Variants in TASOR2 observed in about 807,000 individuals in gnomAD.
The protein encoded by TASOR2 is transcription activation suppressor family member 2.
TASOR2 carries 84 observed loss-of-function variants against 199.5 expected under a neutral mutation model. That is an observed-to-expected ratio of 0.42 (90% CI 0.35 to 0.50). TASOR2 has a LOEUF of 0.50. Ranked by LOEUF, TASOR2 falls within the 20% of genes least tolerant of loss-of-function variation. TASOR2 has a pLI of 0.02. For synonymous variants in TASOR2, 1,103 were observed against 1,046.6 expected, an observed-to-expected ratio of 1.05 and a Z score of -1.04; for missense variants, 2,796 against 2,835.9, an observed-to-expected ratio of 0.99 and a Z score of 0.32.
At chr10:5,715,811 T>C (rs768270568) in intron 2 of TASOR2, among the ~76,000 whole-genome samples, 1 of 152,124 alleles carries the variant, frequency 6.6e-6, no homozygotes, top group Non-Finnish European at 1.5e-5. Flanking sequence ...CATAACTAAT[T>C]TTTGTATTTT....
rs79873840 is a variant in TASOR2 at position 5,755,205 on chromosome 10, A to G, written c.6607-1408A>G. ...AGATATTTCAGTAAGCTCTTCGTTA[A>G]ATCTCATAAGAATTTTTTTGAAAAT... On this transcript the variant is annotated intron_variant, in intron 15 of 20. Coordinates refer to ENST00000328090, the Ensembl canonical transcript of TASOR2. Among the ~76,000 whole-genome samples the G allele has an allele frequency of 3.9e-5, 6 of 152,350 alleles. No individual in the cohort carries two copies. The East Asian group carries it at 9.6e-4, about 24-fold the overall frequency.
Position 5,687,641 on chromosome 10 carries a change from G to T in TASOR2, c.-288+2466G>T, listed in dbSNP as rs890684331. Among the ~76,000 whole-genome samples the T allele has an allele frequency of 6.6e-6, 1 of 152,188 alleles. No homozygotes were observed. The highest frequency in any genetic ancestry group is 1.5e-5 in the Non-Finnish European group (1 of 68,036). On this transcript the variant is annotated intron_variant, in intron 1 of 20. Coordinates refer to ENST00000328090, the Ensembl canonical transcript of TASOR2. The surrounding 1 kb of genome is among the most constrained non-coding windows in gnomAD (Gnocchi z 4.8). ...TAGGGACCAGCCTGGCCAACATGGT[G>T]AAACACCATCTCTACTAAAAATACA...
intron 1 of TASOR2, among the ~76,000 whole-genome samples, chr10:5,711,864 A>T (rs1407056805): frequency 1.3e-5 from 2 of 152,148 alleles, no homozygotes; most frequent in African/African-American, 2.4e-5. Flanking sequence ...CGGGTGAGGA[A>T]ATCCCAGAGA....
chr10:5,712,921 A>G lies in TASOR2; in HGVS notation c.-192+3A>G. 8.2e-7 allele frequency: 1 copy of G among 1,218,950 alleles called. No individual in the cohort carries two copies. 75.5% of individuals were successfully genotyped at this position (1,218,950 alleles called of 1,614,324 possible). A position where few individuals can be genotyped will look rare whatever the true frequency, so the allele number is the denominator to read the frequency against. On this transcript the variant is annotated splice_donor_region_variant and intron_variant, in intron 2 of 20. Transcript: ENST00000328090. ...TTCTGTTTGATACTGAAAAGCAGGT[A>G]AGGGAATTAGGTTGTAGAAAATTAA...
intron 15 of TASOR2, among the ~76,000 whole-genome samples, chr10:5,755,754 G>A (rs765920692): frequency 6.6e-6 from 1 of 152,076 alleles, no homozygotes; most frequent in Non-Finnish European, 1.5e-5. Context: ...GGAGGCTGAG[G>A]TAAGAGAACT....
At position 5,762,942 on chromosome 10, in the gene TASOR2, G is replaced by A. The variant is rs1161722512; in HGVS notation, c.7290-87G>A. On this transcript the variant is annotated intron_variant, in intron 20 of 20. Transcript: ENST00000328090. ...TAATGTAACCTTAGAATGCATAGGC[G>A]TTTTCCCCATTAGAGCATCCCGCTT... 1.8e-5 allele frequency: 24 copies of A among 1,297,362 alleles called. No homozygotes were observed. The East Asian group carries it at 3.0e-4, about 16-fold the overall frequency. The allele number at this position is 1,297,362 out of a possible 1,614,324, so 80.4% of individuals were successfully genotyped here.
intron 14 of TASOR2, among the ~76,000 whole-genome samples, chr10:5,745,528 C>T (rs868279089): frequency 9.2e-5 from 14 of 152,052 alleles, no homozygotes; most frequent in African/African-American, 3.1e-4. Flanking sequence ...ACCTGTAATC[C>T]CAGCACTTTG....
Position 5,753,039 on chromosome 10 carries a change from G to A in TASOR2, c.6606+3012G>A, listed in dbSNP as rs188019419. ...GGTTTTTTTTTCAAGTGAAGCAGGC[G>A]GAGTAGGGAAGGATTTTTTAAATTC... On this transcript the variant is annotated intron_variant, in intron 15 of 20. Transcript: ENST00000328090. 7.2e-5 allele frequency among the ~76,000 whole-genome samples: 11 copies of A among 152,192 alleles called. 1 individual carries two copies. Among genetic ancestry groups the A allele is most frequent in the Admixed American group, 3.3e-4 (5 of 15,294 alleles).
chr10:5,762,942 G>GT, intron 20 of TASOR2, 87 bp from the exon 22 acceptor site: 2 of 1,297,482 alleles, frequency 1.5e-6, no homozygotes, highest in African/African-American at 1.5e-5. Context: ...ATGCATAGGC[G>GT]TTTTCCCCAT....
Position 5,749,157 on chromosome 10 carries a change from C to A in TASOR2, c.5736C>A (p.Tyr1912Ter). Residue 1912 changes from tyrosine to a stop codon, truncating the protein, a stop_gained, in exon 15 of 21, where the codon TAC (tyrosine) becomes TAA (stop). Transcript: ENST00000328090. LOFTEE classifies it high-confidence loss of function. The stretch of plus-strand genomic sequence containing the variant: ...AAGAAGAGAAGTGTGTGCCGCCTTA[C>A]GTCCAAATCCGAGATCTCCACGGGA... 6.2e-7 allele frequency: 1 copy of A among 1,604,154 alleles called. No homozygotes were observed. Among genetic ancestry groups the A allele is most frequent in the Non-Finnish European group, 8.5e-7 (1 of 1,176,666 alleles).
At chr10:5,755,111 G>T (rs944318257) in intron 15 of TASOR2, among the ~76,000 whole-genome samples, 1 of 150,954 alleles carries the variant, frequency 6.6e-6, no homozygotes, top group African/African-American at 2.4e-5. Flanking sequence ...ACCACCACAG[G>T]ATTTGATGAA....
rs542897905 is a variant in TASOR2, at chr10:5,687,415, A to G, written c.-288+2240A>G. ...TTTAAATAAAGTCATTCTGTATTCTATGAGTTACTTTTGTTAAACATTGTT... is the reference window on the plus strand; with the variant it reads ...TTTAAATAAAGTCATTCTGTATTCTGTGAGTTACTTTTGTTAAACATTGTT... On this transcript the variant is annotated intron_variant, in intron 1 of 20. Transcript: ENST00000328090. This position sits in a 1 kb window ranked among gnomAD's most constrained non-coding sequence, Gnocchi z 4.8. 5.9e-5 allele frequency among the ~76,000 whole-genome samples: 9 copies of G among 152,226 alleles called. No individual in the cohort carries two copies. The highest frequency in any genetic ancestry group is 4.1e-4 in the South Asian group (2 of 4,834).
intron 1 of TASOR2, among the ~76,000 whole-genome samples, chr10:5,692,623 G>A (rs1198117845): frequency 1.3e-5 from 2 of 152,150 alleles, no homozygotes; most frequent in East Asian, 3.9e-4. Flanking sequence ...GGTCTACGGA[G>A]TGTGCGGGGA....
At chr10:5,728,472 C>T (rs1299060947) in intron 10 of TASOR2, among the ~76,000 whole-genome samples, 1 of 151,832 alleles carries the variant, frequency 6.6e-6, no homozygotes, top group African/African-American at 2.4e-5. Flanking sequence ...CCCGTCTCTA[C>T]TAAAATACAA....
chr10:5,740,226 C>T lies in TASOR2; in HGVS notation c.2056C>T (p.Pro686Ser), dbSNP rs373084497. ...GTTTCCCAGGAATGGGACAAAAAGC[C>T]CTGAAGCAGCAACCCCAGTGGGGAA... Residue 686 changes from proline to serine, a missense_variant, in exon 13 of 21, where the codon CCT becomes TCT. Pro to Ser is a moderately conservative substitution (Grantham distance 74, BLOSUM62 -1). Around this residue, in one of 3 missense-constraint regions of TASOR2, gnomAD observed 847 missense variants for 887.4 expected, o/e 0.95. Coordinates refer to ENST00000328090, the Ensembl canonical transcript of TASOR2. This position sits in a 1 kb window ranked among gnomAD's most constrained non-coding sequence, Gnocchi z 5.3. 6.2e-7 allele frequency: 1 copy of T among 1,614,046 alleles called. No homozygotes were observed.
In TASOR2 at chr10:5,707,726, TCACACACACACACACACACACACA is replaced by T. The variant is rs5782856; in HGVS notation, c.-287-5071_-287-5048del. On this transcript the variant is annotated intron_variant, in intron 1 of 20. Transcript: ENST00000328090. ...CATACTCACTCTCCCTCACTCATTT[TCACACACACACACACACACACACA>T]CACACACACACACACACACACACAC... Among the ~76,000 whole-genome samples the T allele has an allele frequency of 5.0e-3, 649 of 129,154 alleles. 8 individuals are homozygous for T. The highest frequency in any genetic ancestry group is 0.011 in the Admixed American group (151 of 13,260). The allele number at this position is 129,154 out of a possible 152,430, so 84.7% of individuals were successfully genotyped here. A position where few individuals can be genotyped will look rare whatever the true frequency, so the allele number is the denominator to read the frequency against.
chr10:5,713,555 G>T (rs1026532280), intron 2 of TASOR2, among the ~76,000 whole-genome samples: 1 of 151,996 alleles, frequency 6.6e-6, no homozygotes, highest in Non-Finnish European at 1.5e-5. Context: ...TTTGTTTAGC[G>T]GATAATTAGC....
intron 19 of TASOR2, chr10:5,761,707 ACAGTAT>A: frequency 2.0e-6 from 1 of 495,402 alleles, no homozygotes. Flanking sequence ...AATACTCAAT[ACAGTAT>A]AAGTAGTTAT....
At chr10:5,714,550 A>T in intron 2 of TASOR2, 1 of 172,372 alleles carries the variant, frequency 5.8e-6, no homozygotes, top group Non-Finnish European at 1.2e-5. Context: ...CTTACACTAC[A>T]GTGATAATTA....
Sources: allele counts gnomAD v4.1 joint callset (sites outside exome capture counted in the v4.1 genomes callset), GRCh38; gene constraint gnomAD v4.1.1; regional missense constraint gnomAD v4.1.1; non-coding constraint Gnocchi (gnomAD v3.1); transcripts MANE v1.5; gene names NCBI Gene and HGNC (gene_info 2026-07-23, HGNC 2026-07-21).